The following PRELID2 variants were observed in gnomAD, a reference collection of about 807,000 sequenced individuals.
The protein encoded by PRELID2 is PRELI domain-containing protein 2.
A neutral mutation model predicts 28.4 loss-of-function variants in PRELID2; 25 were observed. The ratio of observed to expected loss-of-function variants is 0.88; its 90% CI spans 0.64 to 1.23. The LOEUF is 1.23. Ranked by LOEUF, PRELID2 falls within the 50% of genes most tolerant of loss-of-function variation. The pLI is 0.00. For synonymous variants in PRELID2, 76 were observed against 71.6 expected, an observed-to-expected ratio of 1.06 and a Z score of -0.31; for missense variants, 201 against 214.4, an observed-to-expected ratio of 0.94 and a Z score of 0.39.
At chr5:145,574,617 G>A (rs1753045163) in intron 1 of PRELID2, among the ~76,000 whole-genome samples, 1 of 152,112 alleles carries the variant, frequency 6.6e-6, no homozygotes, top group South Asian at 2.1e-4. Flanking sequence ...TTTCAACTGA[G>A]AGCCTTGTCC....
At chr5:145,236,677 C>T in the PRELID2 span, among the ~76,000 whole-genome samples, 5 of 152,140 alleles carry the variant, frequency 3.3e-5, no homozygotes, top group East Asian at 1.9e-4. Flanking sequence ...TTCCTTTTTT[C>T]TCTTCAGAAA....
the PRELID2 span, among the ~76,000 whole-genome samples, chr5:145,289,660 G>A: frequency 1.3e-5 from 2 of 152,102 alleles, no homozygotes; most frequent in Admixed American, 1.3e-4. Flanking sequence ...ATTTAGTTTT[G>A]TAAGAAATTG....
At chr5:145,377,054 C>T in the PRELID2 span, among the ~76,000 whole-genome samples, 10 of 152,054 alleles carry the variant, frequency 6.6e-5, no homozygotes, top group Non-Finnish European at 1.0e-4. Context: ...AACACTCTGC[C>T]TTAGATGTGT....
At chr5:145,529,581 A>G (rs916162584) in intron 1 of PRELID2, among the ~76,000 whole-genome samples, 1 of 152,182 alleles carries the variant, frequency 6.6e-6, no homozygotes, top group African/African-American at 2.4e-5. Flanking sequence ...CATTTATTTA[A>G]GGAATATTGA....
the PRELID2 span, among the ~76,000 whole-genome samples, chr5:145,290,114 G>C: frequency 1.3e-5 from 2 of 152,172 alleles, no homozygotes; most frequent in Non-Finnish European, 2.9e-5. Context: ...GTGCTGGAGA[G>C]GATGTGGAGA....
chr5:145,407,006 G>A, the PRELID2 span, among the ~76,000 whole-genome samples: 1 of 152,168 alleles, frequency 6.6e-6, no homozygotes, highest in Non-Finnish European at 1.5e-5. Flanking sequence ...CAGAATTAGG[G>A]TGGGGTCACA....
chr5:145,645,338 CTTTTTT>C (rs35732947), intron 1 of PRELID2, among the ~76,000 whole-genome samples: 11 of 47,848 alleles, frequency 2.3e-4, no homozygotes, highest in African/African-American at 1.2e-3. Context: ...GCAACTCCTG[CTTTTTT>C]TTTTTTTTTT....
rs1383008234 is a variant in PRELID2 at position 145,741,632 on chromosome 5, T to TATAATTTATTTATATATAA, written n.70+23280_70+23298dup. ...TTTATTTATATATAAATAATTTATT[T>TATAATTTATTTATATATAA]ATAATTTATTTATATATAAATAATT... On this transcript the variant is annotated intron_variant and non_coding_transcript_variant, in intron 1 of 2. Coordinates refer to the PRELID2 transcript ENST00000510259. Among the ~76,000 whole-genome samples, 13 of 16,982 alleles carry TATAATTTATTTATATATAA rather than the reference T, an allele frequency of 7.7e-4. 6 individuals are homozygous for TATAATTTATTTATATATAA. Among genetic ancestry groups the TATAATTTATTTATATATAA allele is most frequent in the African/African-American group, 2.1e-3 (13 of 6,108 alleles). 11.1% of individuals were successfully genotyped at this position (16,982 alleles called of 152,430 possible). A position where few individuals can be genotyped will look rare whatever the true frequency, so the allele number is the denominator to read the frequency against.
intron 1 of PRELID2, among the ~76,000 whole-genome samples, chr5:145,664,920 T>C (rs553875811): frequency 1.3e-3 from 195 of 152,168 alleles, no homozygotes; most frequent in Middle Eastern, 6.8e-3. Context: ...ACAGGTCAGA[T>C]TTAAAGCTGC....
Position 145,564,418 on chromosome 5 carries a change from T to A in PRELID2, n.71-91103A>T, listed in dbSNP as rs376534499. ...CAGCCTTGAATGTCCCTCACTCTTG[T>A]CCCACTCACTTTTGCATGTGCTCAT... is the stretch of plus-strand genomic sequence containing the variant. On this transcript the variant is annotated intron_variant and non_coding_transcript_variant, in intron 1 of 2. Transcript: ENST00000510259. 4.3e-4 allele frequency among the ~76,000 whole-genome samples: 66 copies of A among 152,270 alleles called. No individual in the cohort carries two copies. In the East Asian group the frequency reaches 0.01, roughly 24 times the overall value.
At chr5:145,806,630 A>C (rs1321570440) in intron 4 of PRELID2, among the ~76,000 whole-genome samples, 1 of 152,198 alleles carries the variant, frequency 6.6e-6, no homozygotes, top group Non-Finnish European at 1.5e-5. Context: ...ATTACCATTT[A>C]TATGGTTTGG....
intron 5 of PRELID2, among the ~76,000 whole-genome samples, chr5:145,786,281 T>C (rs1242232811): frequency 6.6e-6 from 1 of 152,240 alleles, no homozygotes; most frequent in Non-Finnish European, 1.5e-5. Context: ...CTGGTATTTA[T>C]GCCCCTGTGT....
intron 1 of PRELID2, among the ~76,000 whole-genome samples, chr5:145,681,938 C>T (rs1425906187): frequency 6.6e-6 from 1 of 152,200 alleles, no homozygotes; most frequent in Non-Finnish European, 1.5e-5. Context: ...ATGCTACATT[C>T]ATCACCATGT....
intron 1 of PRELID2, among the ~76,000 whole-genome samples, chr5:145,727,260 AG>A (rs1272133427): frequency 1.3e-5 from 2 of 152,152 alleles, no homozygotes; most frequent in Non-Finnish European, 2.9e-5. Flanking sequence ...CAAAGCCATG[AG>A]GGGGTTCATG....
chr5:145,700,195 C>A (rs1228637173), intron 1 of PRELID2, among the ~76,000 whole-genome samples: 1 of 117,552 alleles, frequency 8.5e-6, no homozygotes, highest in African/African-American at 4.3e-5. Context: ...TCAACAGCAT[C>A]CCCCCCAACT....
At chr5:145,587,484 A>C (rs975155552) in intron 1 of PRELID2, among the ~76,000 whole-genome samples, 5 of 152,154 alleles carry the variant, frequency 3.3e-5, no homozygotes, top group African/African-American at 1.2e-4. Flanking sequence ...TATACCCATG[A>C]AAACAGAGTC....
the PRELID2 span, among the ~76,000 whole-genome samples, chr5:145,288,119 A>C: frequency 3.3e-5 from 5 of 151,978 alleles, no homozygotes; most frequent in African/African-American, 9.7e-5. Context: ...AGGTACTATT[A>C]GTTTCCTACA....
At chr5:145,403,396 T>C in the PRELID2 span, among the ~76,000 whole-genome samples, 2 of 152,020 alleles carry the variant, frequency 1.3e-5, no homozygotes, top group Non-Finnish European at 2.9e-5. Flanking sequence ...TTAAAAATTT[T>C]AGAAAAAAAA....
At chr5:145,696,025 A>G (rs77647896) in intron 1 of PRELID2, among the ~76,000 whole-genome samples, 5,717 of 152,218 alleles carry the variant, frequency 0.038, 376 homozygotes, top group African/African-American at 0.13. Flanking sequence ...GTATGTGTGC[A>G]TATGTGTATC....
Sources: allele counts gnomAD v4.1 joint callset (sites outside exome capture counted in the v4.1 genomes callset), GRCh38; gene constraint gnomAD v4.1.1; transcripts MANE v1.5; gene names NCBI Gene and HGNC (gene_info 2026-07-23, HGNC 2026-07-21).